Variants in FGF12 observed in about 807,000 individuals in gnomAD.
FGF12 encodes the protein fibroblast growth factor 12.
Under a neutral mutation model 23.6 loss-of-function variants are expected in FGF12, and 14 were observed. That is an observed-to-expected ratio of 0.59 (90% CI 0.39 to 0.93). FGF12 has a LOEUF of 0.93. Ranked by LOEUF, FGF12 falls within the 40% of genes least tolerant of loss-of-function variation. The probability of loss-of-function intolerance (pLI) is 0.00; values close to 1 mark genes in which losing one functional copy is unlikely to be tolerated. For synonymous variants in FGF12, 62 were observed against 77.3 expected, an observed-to-expected ratio of 0.80 and a Z score of 1.04; for missense variants, 175 against 217.8, an observed-to-expected ratio of 0.80 and a Z score of 1.24.
At chr3:192,391,055 T>A (rs974589136) in intron 2 of FGF12, among the ~76,000 whole-genome samples, 3 of 152,050 alleles carry the variant, frequency 2.0e-5, no homozygotes, top group African/African-American at 7.3e-5. Flanking sequence ...AGGAGACAAG[T>A]GAAGTCAATA....
chr3:192,321,372 T>A (rs539265500), intron 4 of FGF12, among the ~76,000 whole-genome samples: 4 of 151,962 alleles, frequency 2.6e-5, no homozygotes, highest in African/African-American at 9.7e-5. Flanking sequence ...TGAATAATTT[T>A]ATTAAACATT....
In FGF12 at chr3:192,150,817, A is replaced by C. The variant is rs1169586392; in HGVS notation, c.428-6690T>G. ...AATGCGGGCTCTTTTTTGGTTCCAT[A>C]TGAACTTTAAAGTAGTTTTTTCCAA... On this transcript the variant is annotated intron_variant, in intron 5 of 5. Transcript: ENST00000445105. Among the ~76,000 whole-genome samples, 6 of 141,428 alleles carry C rather than the reference A, an allele frequency of 4.2e-5. No individual in the cohort carries two copies. In the East Asian group the frequency reaches 1.2e-3, roughly 29 times the overall value. 92.8% of individuals were successfully genotyped at this position (141,428 alleles called of 152,430 possible).
chr3:192,517,575 A>G (rs1240990309), intron 2 of FGF12, among the ~76,000 whole-genome samples: 1 of 152,350 alleles, frequency 6.6e-6, no homozygotes, highest in East Asian at 1.9e-4. Flanking sequence ...GAAGTATTAC[A>G]TTTATAGATT....
intron 4 of FGF12, among the ~76,000 whole-genome samples, chr3:192,198,359 C>G (rs940868822): frequency 6.6e-6 from 1 of 151,852 alleles, no homozygotes; most frequent in Non-Finnish European, 1.5e-5. Context: ...TATCTATTTT[C>G]TAACCTTTAA....
chr3:192,704,985 T>C (rs956533727), intron 2 of FGF12, among the ~76,000 whole-genome samples: 3 of 152,246 alleles, frequency 2.0e-5, no homozygotes, highest in Non-Finnish European at 4.4e-5. Context: ...AGAGAGAGCC[T>C]TGCTCTGTAT....
chr3:192,518,176 G>C (rs1724727103), intron 2 of FGF12, among the ~76,000 whole-genome samples: 1 of 152,012 alleles, frequency 6.6e-6, no homozygotes, highest in South Asian at 2.1e-4. Context: ...GTCTGTAGTT[G>C]GGATTTTTTA....
intron 2 of FGF12, among the ~76,000 whole-genome samples, chr3:192,699,348 G>C (rs1363106055): frequency 1.3e-5 from 2 of 152,120 alleles, no homozygotes; most frequent in Non-Finnish European, 2.9e-5. Context: ...TCAAGTCATA[G>C]AAAAGGAATG....
Position 192,408,504 on chromosome 3 carries a change from GTT to G in FGF12, c.14-47968_14-47967del, listed in dbSNP as rs1491465899. ...TCCCAGGCCCTCTTGCGAAGTAGAC[GTT>G]TGCACCCCAAACTTGCACCCCAAGG... On this transcript the variant is annotated intron_variant, in intron 2 of 5. Coordinates refer to ENST00000445105, the MANE Select transcript of FGF12 (RefSeq NM_004113.6). The surrounding 1 kb of genome is among the most constrained non-coding windows in gnomAD (Gnocchi z 7.3). 5 of 1,260,156 alleles carry G rather than the reference GTT, an allele frequency of 4.0e-6. No homozygotes were observed. In the African/African-American group the frequency reaches 6.2e-5, roughly 16 times the overall value. The allele number at this position is 1,260,156 out of a possible 1,614,324, so 78.1% of individuals were successfully genotyped here.
intron 2 of FGF12, among the ~76,000 whole-genome samples, chr3:192,482,648 A>T (rs73070259): frequency 0.038 from 5,801 of 152,216 alleles, 370 homozygotes; most frequent in African/African-American, 0.13. Context: ...AACAAAAAAC[A>T]AAAAAAGAAC....
rs1277097249 is a variant in FGF12, at chr3:192,514,460, A to G, written c.14-153922T>C. ...GAAAGCCAACGCGCTCTCCCTACAA[A>G]GCGTCGATGACTTCAGGGATTTAAA... On this transcript the variant is annotated intron_variant, in intron 2 of 5. Transcript: ENST00000445105. The surrounding 1 kb of genome is among the most constrained non-coding windows in gnomAD (Gnocchi z 4.9). Among the ~76,000 whole-genome samples, 1 of 152,214 alleles carries G rather than the reference A, an allele frequency of 6.6e-6. No homozygotes were observed. Among genetic ancestry groups the G allele is most frequent in the East Asian group, 1.9e-4 (1 of 5,154 alleles).
chr3:192,709,040 A>G (rs1718579540), intron 2 of FGF12, among the ~76,000 whole-genome samples: 1 of 152,212 alleles, frequency 6.6e-6, no homozygotes, highest in African/African-American at 2.4e-5. Context: ...TTCACTGAAG[A>G]CAACATTGTC....
intron 4 of FGF12, among the ~76,000 whole-genome samples, chr3:192,303,922 A>AC (rs1189092498): frequency 9.2e-5 from 14 of 152,188 alleles, no homozygotes; most frequent in Admixed American, 9.2e-4. Context: ...TATTAGAGAA[A>AC]CAGCATTTAA....
intron 2 of FGF12, among the ~76,000 whole-genome samples, chr3:192,395,319 T>A (rs1371765680): frequency 6.6e-6 from 1 of 152,192 alleles, no homozygotes; most frequent in Non-Finnish European, 1.5e-5. Context: ...CATTAGGAGT[T>A]GGGTTGGGGA....
intron 2 of FGF12, among the ~76,000 whole-genome samples, chr3:192,612,744 G>A (rs757518843): frequency 1.3e-5 from 2 of 151,900 alleles, no homozygotes; most frequent in Non-Finnish European, 2.9e-5. Flanking sequence ...AGCTGAACAT[G>A]TATTAATTTC....
intron 2 of FGF12, among the ~76,000 whole-genome samples, chr3:192,425,820 T>A (rs1219447297): frequency 6.6e-6 from 1 of 152,140 alleles, no homozygotes; most frequent in Non-Finnish European, 1.5e-5. Flanking sequence ...AATAATTGGT[T>A]TAAATGTGGT....
At chr3:192,264,081 T>C (rs1478456630) in intron 4 of FGF12, among the ~76,000 whole-genome samples, 1 of 152,088 alleles carries the variant, frequency 6.6e-6, no homozygotes, top group East Asian at 1.9e-4. Context: ...AAAAATCAAA[T>C]GAATCAATCC....
intron 4 of FGF12, among the ~76,000 whole-genome samples, chr3:192,237,346 G>A (rs555527096): frequency 6.6e-6 from 1 of 152,072 alleles, no homozygotes; most frequent in African/African-American, 2.4e-5. Context: ...TTTTGCAGGG[G>A]TTCTCTGAAT....
chr3:192,488,733 G>C lies in FGF12; in HGVS notation c.14-128195C>G, dbSNP rs113513011. ...CAACTGTCAGGAAACGGAATTTATA[G>C]ACTAACCTGATTCCTAAGACTTGTT... On this transcript the variant is annotated intron_variant, in intron 2 of 5. Coordinates refer to ENST00000445105, the MANE Select transcript of FGF12 (RefSeq NM_004113.6). Among the ~76,000 whole-genome samples the C allele has an allele frequency of 7.0e-3, 1,072 of 152,120 alleles. 17 individuals carry two copies. Among genetic ancestry groups the C allele is most frequent in the African/African-American group, 0.024 (1,013 of 41,502 alleles).
At chr3:192,690,527 A>G (rs962634419) in intron 2 of FGF12, among the ~76,000 whole-genome samples, 1 of 151,578 alleles carries the variant, frequency 6.6e-6, no homozygotes, top group Non-Finnish European at 1.5e-5. Flanking sequence ...TGGTAACTAC[A>G]AAGCAAAAAC....
Sources: gnomAD v4.1 joint callset for allele counts (sites outside exome capture counted in the v4.1 genomes callset) on GRCh38, gnomAD v4.1.1 for gene constraint, Gnocchi (gnomAD v3.1) non-coding constraint, MANE v1.5 for transcripts, NCBI Gene and HGNC (gene_info 2026-07-23, HGNC 2026-07-21) for gene names.